Variants in PPARGC1B observed in about 807,000 individuals in gnomAD.
PPARGC1B encodes the protein PPARG coactivator 1 beta, also known as peroxisome proliferator-activated receptor gamma coactivator 1-beta.
In PPARGC1B, 34 loss-of-function variants were observed where a neutral mutation model predicts 101.6. That is an observed-to-expected ratio of 0.33 (90% CI 0.25 to 0.45). PPARGC1B has a LOEUF of 0.45. Among genes scored for constraint, PPARGC1B ranks in the 20% least tolerant of loss-of-function variants. The pLI is 1.00. For synonymous variants in PPARGC1B, 548 were observed against 539.3 expected (o/e 1.02, Z -0.22); for missense variants, 1,234 against 1,317.6 (o/e 0.94, Z 0.98).
intron 1 of PPARGC1B, among the ~76,000 whole-genome samples, chr5:149,739,282 T>G (rs1304504239): frequency 7.2e-5 from 11 of 152,248 alleles, no homozygotes; most frequent in Admixed American, 5.9e-4. Context: ...TATTTCGTTG[T>G]GTATCTGTGA....
chr5:149,835,651 T>A (rs1759027933), intron 7 of PPARGC1B, among the ~76,000 whole-genome samples: 3 of 152,182 alleles, frequency 2.0e-5, no homozygotes, highest in Admixed American at 2.0e-4. Flanking sequence ...CTGCCCCCTC[T>A]CCGTCATGGG....
intron 1 of PPARGC1B, among the ~76,000 whole-genome samples, chr5:149,731,090 C>A (rs2113043592): frequency 6.6e-6 from 1 of 152,302 alleles, no homozygotes; most frequent in East Asian, 1.9e-4. Flanking sequence ...TGTCTGGGGG[C>A]GCCTGGGTCC....
At chr5:149,777,415 C>T (rs1046440097) in intron 1 of PPARGC1B, among the ~76,000 whole-genome samples, 2 of 152,126 alleles carry the variant, frequency 1.3e-5, no homozygotes, top group East Asian at 3.9e-4. Context: ...TTCCAAAAGC[C>T]ACCACCCCCT....
chr5:149,782,187 G>A (rs1472843166), intron 1 of PPARGC1B, among the ~76,000 whole-genome samples: 1 of 152,156 alleles, frequency 6.6e-6, no homozygotes, highest in African/African-American at 2.4e-5. Flanking sequence ...TGGGCTGGGA[G>A]AAGGCTCCTG....
chr5:149,840,084 C>T lies in PPARGC1B; in HGVS notation c.2662C>T (p.Arg888Trp), dbSNP rs549258242. ...GTGTTCAGACAGAACGCCAAGCATC[C>T]GGCACGCCAGGAAGCGGCGGGAAAA... ...GPCSDRTPSI[R>W]HARKRREKAI... Residue 888 changes from arginine to tryptophan, a missense_variant, in exon 9 of 12, where the codon CGG (arginine) becomes TGG (tryptophan). Arg to Trp is a moderately radical substitution (Grantham distance 101). Transcript: ENST00000309241. 1.8e-5 allele frequency: 29 copies of T among 1,613,814 alleles called. No homozygotes were observed. Among genetic ancestry groups the T allele is most frequent in the South Asian group, 3.3e-5 (3 of 91,018 alleles).
At position 149,752,168 on chromosome 5, in the gene PPARGC1B, G is replaced by A. The variant is rs80187111; in HGVS notation, c.78+21748G>A. ...TTCCCAGGCTTTAATCACTCCCGAG[G>A]TTTGGCTTTTAGTCTACATACTATG... is the stretch of plus-strand genomic sequence containing the variant. On this transcript the variant is annotated intron_variant, in intron 1 of 11. Transcript: ENST00000309241. 5.0e-3 allele frequency among the ~76,000 whole-genome samples: 767 copies of A among 152,268 alleles called. 5 individuals are homozygous for A. The highest frequency in any genetic ancestry group is 6.0e-3 in the Non-Finnish European group (408 of 68,012).
At chr5:149,792,105 G>A (rs1757042440) in intron 1 of PPARGC1B, among the ~76,000 whole-genome samples, 2 of 152,272 alleles carry the variant, frequency 1.3e-5, no homozygotes, top group South Asian at 2.1e-4. Flanking sequence ...TGGGGAGCGG[G>A]TGGAGTGGTG....
At chr5:149,818,931 T>G (rs995618953) in intron 1 of PPARGC1B, 2 of 454,686 alleles carry the variant, frequency 4.4e-6, no homozygotes. Context: ...GGATCTCAAC[T>G]CACTTCTGCC....
At position 149,730,757 on chromosome 5, in the gene PPARGC1B, C is replaced by T. The variant is rs1754425725; in HGVS notation, c.78+337C>T. 6.6e-6 allele frequency among the ~76,000 whole-genome samples: 1 copy of T among 152,186 alleles called. No homozygotes were observed. Among genetic ancestry groups the T allele is most frequent in the Non-Finnish European group, 1.5e-5 (1 of 68,014 alleles). Reference sequence around the variant, plus strand: ...CGCCACGGTGTGGGGTACCCTCAGGCTGGCGCTGGGTGCTGGAGGCGCGCC... The same window carrying T: ...CGCCACGGTGTGGGGTACCCTCAGGTTGGCGCTGGGTGCTGGAGGCGCGCC... On this transcript the variant is annotated intron_variant, in intron 1 of 11. Coordinates refer to ENST00000309241, the MANE Select transcript of PPARGC1B (RefSeq NM_133263.4). The surrounding 1 kb of genome is among the most constrained non-coding windows in gnomAD (Gnocchi z 4.0).
chr5:149,749,693 T>C (rs1001850415), intron 1 of PPARGC1B, among the ~76,000 whole-genome samples: 7 of 152,218 alleles, frequency 4.6e-5, no homozygotes, highest in African/African-American at 1.7e-4. Context: ...ATGGTGAGAA[T>C]ATTGTACCTG....
chr5:149,748,929 G>T (rs996371633), intron 1 of PPARGC1B, among the ~76,000 whole-genome samples: 7 of 152,172 alleles, frequency 4.6e-5, no homozygotes, highest in Non-Finnish European at 8.8e-5. Flanking sequence ...TGACTTTGAG[G>T]GTGACTAGTT....
chr5:149,825,738 G>T (rs184495656), intron 2 of PPARGC1B, among the ~76,000 whole-genome samples: 1 of 152,166 alleles, frequency 6.6e-6, no homozygotes, highest in African/African-American at 2.4e-5. Context: ...TATCACCAGC[G>T]TCCAGCATGA....
In PPARGC1B at chr5:149,842,303, C is replaced by G; in HGVS notation, c.2742C>G (p.Ser914Arg). The G allele has an allele frequency of 6.2e-7, 1 of 1,614,158 alleles. No individual in the cohort carries two copies. Among genetic ancestry groups the G allele is most frequent in the Non-Finnish European group, 8.5e-7 (1 of 1,180,030 alleles). The change falls in exon 10 of 12, where the codon AGC becomes AGG. Residue 914 changes from serine to arginine, a missense_variant. Around this residue, in one of 3 missense-constraint regions of PPARGC1B, gnomAD observed 497 missense variants for 529.5 expected, o/e 0.94. Coordinates refer to ENST00000309241, the MANE Select transcript of PPARGC1B (RefSeq NM_133263.4). ...VYIQNLSSDM[S>R]SRELKRRFEV... Reference sequence around the variant, plus strand: ...TTCAAAATCTCTCCAGCGACATGAGCTCCCGAGAGCTGAAGAGGCGCTTTG... The same window carrying G: ...TTCAAAATCTCTCCAGCGACATGAGGTCCCGAGAGCTGAAGAGGCGCTTTG...
intron 1 of PPARGC1B, among the ~76,000 whole-genome samples, chr5:149,789,608 A>C (rs1342190125): frequency 6.6e-6 from 1 of 152,220 alleles, no homozygotes; most frequent in Non-Finnish European, 1.5e-5. Flanking sequence ...AATTCTATGA[A>C]GTAGTTCCTA....
At chr5:149,755,052 CATATAT>C (rs1199839991) in intron 1 of PPARGC1B, among the ~76,000 whole-genome samples, 17 of 108,956 alleles carry the variant, frequency 1.6e-4, no homozygotes, top group Admixed American at 1.1e-3. Flanking sequence ...TATACATATA[CATATAT>C]ATATATATAT....
chr5:149,778,092 C>T (rs1756457942), intron 1 of PPARGC1B, among the ~76,000 whole-genome samples: 3 of 133,896 alleles, frequency 2.2e-5, no homozygotes, highest in Non-Finnish European at 4.7e-5. Context: ...CACACACACA[C>T]ACACACACAC....
chr5:149,757,198 A>G (rs188476157), intron 1 of PPARGC1B, among the ~76,000 whole-genome samples: 88 of 152,330 alleles, frequency 5.8e-4, no homozygotes, highest in Non-Finnish European at 5.3e-4. Context: ...AAAGGAAGCA[A>G]CCTTCTGGGG....
At chr5:149,754,507 A>T (rs1755433582) in intron 1 of PPARGC1B, among the ~76,000 whole-genome samples, 1 of 152,222 alleles carries the variant, frequency 6.6e-6, no homozygotes, top group African/African-American at 2.4e-5. Flanking sequence ...TCAGTATAAA[A>T]GTGTTTTTAA....
Position 149,755,046 on chromosome 5 carries a change from C to CATACATAT in PPARGC1B, c.78+24629_78+24630insCATATATA, listed in dbSNP as rs1438235435. On this transcript the variant is annotated intron_variant, in intron 1 of 11. Coordinates refer to ENST00000309241, the MANE Select transcript of PPARGC1B (RefSeq NM_133263.4). The stretch of plus-strand genomic sequence containing the variant: ...CACATATACACTACATATACATATA[C>CATACATAT]ATATACATATATATATATATATATA... Among the ~76,000 whole-genome samples the CATACATAT allele has an allele frequency of 5.7e-3, 605 of 105,558 alleles. 1 individual carries two copies. Among genetic ancestry groups the CATACATAT allele is most frequent in the African/African-American group, 0.012 (309 of 24,930 alleles). 69.3% of individuals were successfully genotyped at this position (105,558 alleles called of 152,430 possible). A position where few individuals can be genotyped will look rare whatever the true frequency, so the allele number is the denominator to read the frequency against.
Sources: gnomAD v4.1 joint callset for allele counts (sites outside exome capture counted in the v4.1 genomes callset) on GRCh38, gnomAD v4.1.1 for gene constraint, gnomAD v4.1.1 regional missense constraint, Gnocchi (gnomAD v3.1) non-coding constraint, MANE v1.5 for transcripts, NCBI Gene and HGNC (gene_info 2026-07-23, HGNC 2026-07-21) for gene names.